Variants in FRMD4A observed in about 807,000 individuals in gnomAD.
The protein encoded by FRMD4A is FERM domain containing 4A.
In FRMD4A, 29 loss-of-function variants were observed where a neutral mutation model predicts 129.1. The ratio of observed to expected loss-of-function variants is 0.22; its 90% confidence interval spans 0.17 to 0.31. The LOEUF is 0.31. Ranked by LOEUF, FRMD4A falls within the 10% of genes least tolerant of loss-of-function variation. The probability of loss-of-function intolerance (pLI) is 1.00; values close to 1 mark genes in which losing one functional copy is unlikely to be tolerated. For synonymous variants in FRMD4A, 634 were observed against 571.6 expected, an observed-to-expected ratio of 1.11 and a Z score of -1.56; for missense variants, 1,272 against 1,375.8, an observed-to-expected ratio of 0.92 and a Z score of 1.19.
intron 3 of FRMD4A, among the ~76,000 whole-genome samples, chr10:13,828,658 G>C (rs1013261225): frequency 6.6e-6 from 1 of 151,564 alleles, no homozygotes; most frequent in Admixed American, 6.6e-5. Context: ...TCATACTCTC[G>C]AGTAGCTGGG....
In FRMD4A at chr10:13,657,527, C is replaced by CG. The variant is rs749385274; in HGVS notation, c.2067-6dup. Reference sequence around the variant, plus strand: ...GTGGGGCTGATGTCCACCGACCTGCCGGGAGACGACCCGGGTTGGTCTGGG... The same window carrying CG: ...GTGGGGCTGATGTCCACCGACCTGCCGGGGAGACGACCCGGGTTGGTCTGGG... On this transcript the variant is annotated splice_region_variant and splice_polypyrimidine_tract_variant and intron_variant, in intron 21 of 24. Transcript: ENST00000357447. 2.6e-5 allele frequency: 35 copies of CG among 1,363,212 alleles called. No homozygotes were observed. In the African/African-American group the frequency reaches 4.6e-4, roughly 18 times the overall value. The allele number at this position is 1,363,212 out of a possible 1,614,324, so 84.4% of individuals were successfully genotyped here. A position where few individuals can be genotyped will look rare whatever the true frequency, so the allele number is the denominator to read the frequency against.
intron 2 of FRMD4A, among the ~76,000 whole-genome samples, chr10:14,091,637 G>A (rs975644008): frequency 6.6e-6 from 1 of 152,204 alleles, no homozygotes; most frequent in African/African-American, 2.4e-5. Context: ...GTTTCACCAT[G>A]TTGACCAGGA....
chr10:13,867,782 AAATATAT>A (rs1219569769), intron 2 of FRMD4A, among the ~76,000 whole-genome samples: 1 of 133,220 alleles, frequency 7.5e-6, no homozygotes, highest in Non-Finnish European at 1.5e-5. Context: ...GATATATAAT[AAATATAT>A]AATATAATAT....
chr10:13,989,356 A>AT (rs1019880274), intron 2 of FRMD4A, among the ~76,000 whole-genome samples: 10 of 151,238 alleles, frequency 6.6e-5, no homozygotes, highest in African/African-American at 1.5e-4. Context: ...TTAGTAATTG[A>AT]TTTTTTTTTC....
rs538064384 is a variant in FRMD4A at position 14,325,919 on chromosome 10, A to G, written c.45+4139T>C. Among the ~76,000 whole-genome samples the G allele has an allele frequency of 5.3e-5, 8 of 152,354 alleles. No individual in the cohort carries two copies. The East Asian group carries it at 1.4e-3, about 26-fold the overall frequency. On this transcript the variant is annotated intron_variant, in intron 2 of 24. Coordinates refer to ENST00000357447, the MANE Select transcript of FRMD4A (RefSeq NM_018027.5). ...AAGAAGCCCAGAAATCTGAAATCAA[A>G]TATTTAGAATGGAAAGAAACTTCAG... is the stretch of plus-strand genomic sequence containing the variant.
intron 2 of FRMD4A, among the ~76,000 whole-genome samples, chr10:13,912,813 C>T (rs983811190): frequency 9.2e-5 from 14 of 152,032 alleles, no homozygotes; most frequent in African/African-American, 3.1e-4. Context: ...GTGGCTCACA[C>T]CTGTAATCCC....
intron 2 of FRMD4A, among the ~76,000 whole-genome samples, chr10:13,995,659 G>A (rs999438060): frequency 6.6e-6 from 1 of 152,234 alleles, no homozygotes; most frequent in Non-Finnish European, 1.5e-5. Flanking sequence ...ATTGCCCCGA[G>A]AGTAATGTCA....
At chr10:13,816,893 C>G (rs2130893137) in intron 3 of FRMD4A, among the ~76,000 whole-genome samples, 1 of 152,348 alleles carries the variant, frequency 6.6e-6, no homozygotes. Context: ...CTGGGTTTGT[C>G]AGAATTAGCC....
chr10:14,191,794 GTTT>G (rs11410689), intron 2 of FRMD4A, among the ~76,000 whole-genome samples: 26 of 133,148 alleles, frequency 2.0e-4, no homozygotes, highest in East Asian at 6.7e-4. Context: ...TCAACTGGCT[GTTT>G]TTTTTTTTTC....
chr10:13,805,717 C>G (rs1197547370), intron 4 of FRMD4A, among the ~76,000 whole-genome samples: 3 of 152,228 alleles, frequency 2.0e-5, no homozygotes, highest in African/African-American at 7.2e-5. Context: ...GAGACGAGGT[C>G]TCACTCTGTC....
intron 2 of FRMD4A, among the ~76,000 whole-genome samples, chr10:14,254,763 A>G (rs1487706422): frequency 2.0e-5 from 3 of 151,982 alleles, no homozygotes; most frequent in African/African-American, 7.2e-5. Flanking sequence ...GTGCACATGT[A>G]CCCTAAAACT....
At chr10:13,989,685 G>A (rs1477257904) in intron 2 of FRMD4A, among the ~76,000 whole-genome samples, 1 of 152,146 alleles carries the variant, frequency 6.6e-6, no homozygotes, top group Non-Finnish European at 1.5e-5. Flanking sequence ...TCCAGAGATG[G>A]GCATCAGAGG....
chr10:14,253,593 C>G (rs1174602292), intron 2 of FRMD4A, among the ~76,000 whole-genome samples: 1 of 152,152 alleles, frequency 6.6e-6, no homozygotes, highest in Non-Finnish European at 1.5e-5. Flanking sequence ...CCCAAAAATC[C>G]TGCTTAATAG....
intron 15 of FRMD4A, among the ~76,000 whole-genome samples, chr10:13,686,875 TACA>T (rs1181223445): frequency 1.3e-5 from 2 of 152,226 alleles, no homozygotes; most frequent in African/African-American, 2.4e-5. Flanking sequence ...CAGTGGTTAA[TACA>T]ACAAGCCACA....
chr10:14,261,023 G>A (rs1292679340), intron 2 of FRMD4A, among the ~76,000 whole-genome samples: 1 of 152,120 alleles, frequency 6.6e-6, no homozygotes, highest in African/African-American at 2.4e-5. Context: ...TAAGCATCTA[G>A]GGGGAATTCA....
At chr10:14,051,565 C>G (rs1043939790) in intron 2 of FRMD4A, among the ~76,000 whole-genome samples, 4 of 152,204 alleles carry the variant, frequency 2.6e-5, no homozygotes, top group African/African-American at 9.7e-5. Context: ...ATGAAATGCT[C>G]AGAACACAGA....
intron 2 of FRMD4A, among the ~76,000 whole-genome samples, chr10:14,100,604 G>C (rs1324302812): frequency 4.6e-5 from 7 of 151,990 alleles, no homozygotes; most frequent in Non-Finnish European, 1.5e-5. Flanking sequence ...ATACTTGCCG[G>C]CCTTAGGATA....
At chr10:14,187,271 A>G (rs145264288) in intron 2 of FRMD4A, among the ~76,000 whole-genome samples, 126 of 152,348 alleles carry the variant, frequency 8.3e-4, no homozygotes, top group Non-Finnish European at 1.5e-3. Context: ...ACTCCATGAT[A>G]TCAGATCATA....
intron 8 of FRMD4A, among the ~76,000 whole-genome samples, chr10:13,760,049 A>G (rs777124593): frequency 1.3e-5 from 2 of 152,038 alleles, no homozygotes; most frequent in African/African-American, 2.4e-5. Flanking sequence ...AACCAAAAGA[A>G]GAAGAATATT....
Sources: gnomAD v4.1 joint callset for allele counts (sites outside exome capture counted in the v4.1 genomes callset) on GRCh38, gnomAD v4.1.1 for gene constraint, MANE v1.5 for transcripts, NCBI Gene and HGNC (gene_info 2026-07-23, HGNC 2026-07-21) for gene names.